Variants in RANBP2 observed in about 807,000 individuals in gnomAD.
RANBP2 encodes the protein E3 SUMO-protein ligase RanBP2.
Under a neutral mutation model 303.6 loss-of-function variants are expected in RANBP2, and 57 were observed. The ratio of observed to expected loss-of-function variants is 0.19; its 90% CI spans 0.15 to 0.23. RANBP2 has a LOEUF of 0.23. Ranked by LOEUF, RANBP2 falls within the 10% of genes least tolerant of loss-of-function variation. The probability of loss-of-function intolerance (pLI) is 1.00; values close to 1 mark genes in which losing one functional copy is unlikely to be tolerated. For missense variants in RANBP2, 3,138 were observed against 3,780.8 expected, an observed-to-expected ratio of 0.83 and a Z score of 4.46; for synonymous variants, 1,167 against 1,301.5, an observed-to-expected ratio of 0.90 and a Z score of 2.23.
At chr2:109,730,776 C>CTTTTTTTT in the RANBP2 span, among the ~76,000 whole-genome samples, 2 of 79,410 alleles carry the variant, frequency 2.5e-5, no homozygotes, top group African/African-American at 4.3e-5. Context: ...CTCTCTCTCT[C>CTTTTTTTT]TTTTTTTTTT....
the RANBP2 span, among the ~76,000 whole-genome samples, chr2:109,725,198 G>A: frequency 2.3e-4 from 35 of 152,234 alleles, no homozygotes; most frequent in Admixed American, 1.8e-3. Flanking sequence ...GGGTGACTTC[G>A]CCCTCCCCTC....
At chr2:109,469,521 A>C in the RANBP2 span, among the ~76,000 whole-genome samples, 1 of 152,138 alleles carries the variant, frequency 6.6e-6, no homozygotes, top group South Asian at 2.1e-4. Context: ...TAATTTCATC[A>C]AAGCACAAAA....
chr2:109,311,378 C>T, the RANBP2 span, among the ~76,000 whole-genome samples: 1 of 126,800 alleles, frequency 7.9e-6, no homozygotes, highest in African/African-American at 3.2e-5. Flanking sequence ...AAACCCACAG[C>T]CAATATCATA....
At chr2:109,518,704 A>G in the RANBP2 span, among the ~76,000 whole-genome samples, 3 of 152,262 alleles carry the variant, frequency 2.0e-5, no homozygotes, top group South Asian at 6.2e-4. Context: ...GTTCTGTATG[A>G]GTCCATTCTT....
At chr2:108,720,507 A>G (rs1021736958) in intron 1 of RANBP2, among the ~76,000 whole-genome samples, 11 of 152,236 alleles carry the variant, frequency 7.2e-5, no homozygotes, top group African/African-American at 2.4e-4. Flanking sequence ...AATTGGATCT[A>G]AAGAGTGACG....
chr2:109,574,501 T>C, the RANBP2 span: 2 of 755,292 alleles, frequency 2.6e-6, no homozygotes, highest in Non-Finnish European at 1.9e-6. Flanking sequence ...AGTTACAATA[T>C]ATATCCATAT....
chr2:109,479,252 G>T, the RANBP2 span, among the ~76,000 whole-genome samples: 2 of 152,130 alleles, frequency 1.3e-5, no homozygotes, highest in African/African-American at 4.8e-5. Context: ...CAAGAGGTCT[G>T]CCCAGCACAC....
the RANBP2 span, chr2:109,667,305 C>T: frequency 1.6e-6 from 1 of 640,848 alleles, no homozygotes; most frequent in South Asian, 1.6e-5. Flanking sequence ...GGTCCTGTGG[C>T]CAATTGACTG....
chr2:109,349,971 T>A, the RANBP2 span, among the ~76,000 whole-genome samples: 3 of 152,220 alleles, frequency 2.0e-5, no homozygotes, highest in African/African-American at 4.8e-5. Context: ...GCTGCTCTTC[T>A]GGAGCCCAGA....
chr2:109,296,487 C>T, the RANBP2 span, among the ~76,000 whole-genome samples: 1 of 152,038 alleles, frequency 6.6e-6, no homozygotes. Context: ...AGTGATCCAC[C>T]CGCTTCAGCC....
the RANBP2 span, among the ~76,000 whole-genome samples, chr2:109,356,883 C>G: frequency 1.3e-5 from 2 of 152,102 alleles, no homozygotes; most frequent in African/African-American, 2.4e-5. Flanking sequence ...AGCGCTCTCA[C>G]TTCCCAGGCT....
chr2:109,701,960 C>A, the RANBP2 span, among the ~76,000 whole-genome samples: 1 of 152,194 alleles, frequency 6.6e-6, no homozygotes, highest in African/African-American at 2.4e-5. Flanking sequence ...CCTTTGAATC[C>A]CTTTAAATTC....
chr2:109,766,783 C>T, the RANBP2 span, among the ~76,000 whole-genome samples: 1 of 149,586 alleles, frequency 6.7e-6, no homozygotes, highest in Admixed American at 6.9e-5. Flanking sequence ...AATAGATTTG[C>T]CTGTTTGATT....
chr2:108,741,495 CTTTTTTT>C (rs34872068), intron 7 of RANBP2, among the ~76,000 whole-genome samples: 2 of 61,784 alleles, frequency 3.2e-5, no homozygotes, highest in Non-Finnish European at 5.7e-5. Flanking sequence ...TGCGCCTGGC[CTTTTTTT>C]TTTTTTTTTT....
At chr2:109,545,609 GA>G in the RANBP2 span, 1 of 1,530,700 alleles carries the variant, frequency 6.5e-7, no homozygotes, top group South Asian at 1.2e-5. Context: ...CTGAACCTAA[GA>G]ATTAATTCAA....
chr2:108,844,999 G>A, the RANBP2 span, among the ~76,000 whole-genome samples: 2 of 151,890 alleles, frequency 1.3e-5, no homozygotes, highest in East Asian at 3.9e-4. Flanking sequence ...GCCTGCCTTG[G>A]CTTCCCAAAG....
chr2:109,569,738 G>A, the RANBP2 span, among the ~76,000 whole-genome samples: 1 of 152,090 alleles, frequency 6.6e-6, no homozygotes, highest in South Asian at 2.1e-4. Context: ...ATAATTGCTT[G>A]CACAATAAAC....
At chr2:108,793,465 T>C in the RANBP2 span, among the ~76,000 whole-genome samples, 1 of 152,166 alleles carries the variant, frequency 6.6e-6, no homozygotes, top group African/African-American at 2.4e-5. Flanking sequence ...CCTACTGCTG[T>C]TGGGAGAGTA....
chr2:108,799,620 AGTTT>A, the RANBP2 span, among the ~76,000 whole-genome samples: 4 of 151,972 alleles, frequency 2.6e-5, no homozygotes, highest in African/African-American at 9.7e-5. Context: ...CTTTTCTTTC[AGTTT>A]GTTCTGTTTG....
Sources: gnomAD v4.1 joint callset for allele counts (sites outside exome capture counted in the v4.1 genomes callset) on GRCh38, gnomAD v4.1.1 for gene constraint, MANE v1.5 for transcripts, NCBI Gene and HGNC (gene_info 2026-07-23, HGNC 2026-07-21) for gene names.